Variants in TET1 observed in about 807,000 individuals in gnomAD.
TET1 encodes the protein methylcytosine dioxygenase TET1.
A neutral mutation model predicts 148.7 loss-of-function variants in TET1; 13 were observed. The ratio of observed to expected loss-of-function variants is 0.09; its 90% CI spans 0.06 to 0.14. The LOEUF (loss-of-function observed/expected upper bound fraction) is 0.14, where lower values mean the gene tolerates loss of function less well. Ranked by LOEUF, TET1 falls within the 10% of genes least tolerant of loss-of-function variation. TET1 has a pLI of 1.00. For synonymous variants in TET1, 907 were observed against 937.2 expected, an observed-to-expected ratio of 0.97 and a Z score of 0.59; for missense variants, 2,182 against 2,553.8, an observed-to-expected ratio of 0.85 and a Z score of 3.14.
chr10:68,642,087 A>G (rs1470832532), intron 3 of TET1, among the ~76,000 whole-genome samples: 1 of 152,150 alleles, frequency 6.6e-6, no homozygotes, highest in African/African-American at 2.4e-5. Context: ...TCTTTTTACA[A>G]TTGGTATCAA....
chr10:68,659,272 C>T (rs1475136655), intron 6 of TET1, among the ~76,000 whole-genome samples: 1 of 146,404 alleles, frequency 6.8e-6, no homozygotes. Flanking sequence ...GATGAGTTCC[C>T]CTCTGTGCGA....
intron 2 of TET1, among the ~76,000 whole-genome samples, chr10:68,581,836 C>CAA (rs35620494): frequency 2.3e-4 from 30 of 130,080 alleles, no homozygotes; most frequent in South Asian, 4.9e-4. Context: ...GACCGTGTCT[C>CAA]AAAAAAAAAA....
chr10:68,690,452 C>A (rs1284273203), intron 11 of TET1, among the ~76,000 whole-genome samples: 1 of 152,028 alleles, frequency 6.6e-6, no homozygotes, highest in Non-Finnish European at 1.5e-5. Flanking sequence ...CTAAAAAATA[C>A]AAAAAATTAG....
chr10:68,654,386 G>C (rs1383361632), intron 6 of TET1, among the ~76,000 whole-genome samples: 1 of 151,600 alleles, frequency 6.6e-6, no homozygotes, highest in Non-Finnish European at 1.5e-5. Flanking sequence ...GAGGCCGAGT[G>C]GGGCAGATCA....
At chr10:68,590,283 TTTTGTTTG>T (rs201199097) in intron 2 of TET1, among the ~76,000 whole-genome samples, 1 of 151,638 alleles carries the variant, frequency 6.6e-6, no homozygotes, top group Non-Finnish European at 1.5e-5. Flanking sequence ...CGGCTAGTGT[TTTTGTTTG>T]TTTGTTTGTT....
chr10:68,648,172 C>T (rs1158730595), intron 4 of TET1, among the ~76,000 whole-genome samples: 1 of 152,142 alleles, frequency 6.6e-6, no homozygotes, highest in Admixed American at 6.5e-5. Flanking sequence ...TGAAAGAGAA[C>T]ATTCTGAACC....
At chr10:68,632,833 TG>T (rs2054594864) in intron 3 of TET1, 46 of 757,006 alleles carry the variant, frequency 6.1e-5, no homozygotes, top group East Asian at 1.2e-4. Flanking sequence ...AAGTTTAAGT[TG>T]TAAAAAAAAA....
intron 6 of TET1, among the ~76,000 whole-genome samples, chr10:68,659,176 G>A (rs538032586): frequency 4.6e-5 from 7 of 152,290 alleles, no homozygotes; most frequent in South Asian, 4.1e-4. Context: ...AGCTTCTGGG[G>A]TAATGGCAGA....
chr10:68,668,401 C>T (rs1452800200), intron 7 of TET1, among the ~76,000 whole-genome samples: 3 of 152,068 alleles, frequency 2.0e-5, no homozygotes, highest in Non-Finnish European at 2.9e-5. Context: ...CAATATTGAG[C>T]GATATTCGGG....
chr10:68,585,806 G>C (rs2053854424), intron 2 of TET1, among the ~76,000 whole-genome samples: 1 of 151,798 alleles, frequency 6.6e-6, no homozygotes, highest in African/African-American at 2.4e-5. Context: ...TCAAGAGATT[G>C]AGACCATCCT....
rs1239183154 is a variant in TET1 at position 68,595,403 on chromosome 10, G to A, written c.1915-5578G>A. Among the ~76,000 whole-genome samples the A allele has an allele frequency of 2.6e-5, 4 of 151,926 alleles. No individual in the cohort carries two copies. In the East Asian group the frequency reaches 7.8e-4, roughly 29 times the overall value. On this transcript the variant is annotated intron_variant, in intron 2 of 11. Transcript: ENST00000373644. ...ACATATTGGAAGGAAATTGTGTTTC[G>A]GTCTTCAGTCTTGAGGAAAGGTGAA... is the stretch of plus-strand genomic sequence containing the variant.
chr10:68,574,882 TATA>T (rs2053710766), intron 2 of TET1, among the ~76,000 whole-genome samples: 1 of 152,198 alleles, frequency 6.6e-6, no homozygotes, highest in Admixed American at 6.6e-5. Context: ...TAGTTCTTAT[TATA>T]GTTTATGAAC....
chr10:68,661,170 C>T (rs1235818454), intron 6 of TET1, among the ~76,000 whole-genome samples: 1 of 148,720 alleles, frequency 6.7e-6, no homozygotes, highest in African/African-American at 2.5e-5. Flanking sequence ...GCTGGGACTA[C>T]AGGCGCCTGC....
chr10:68,690,196 T>C (rs1361452014), intron 11 of TET1, among the ~76,000 whole-genome samples: 2 of 152,216 alleles, frequency 1.3e-5, no homozygotes, highest in Non-Finnish European at 2.9e-5. Context: ...GTTGTATTAC[T>C]TACTTCCTAC....
chr10:68,666,707 T>G (rs1432737491), intron 6 of TET1, among the ~76,000 whole-genome samples: 1 of 152,208 alleles, frequency 6.6e-6, no homozygotes, highest in East Asian at 1.9e-4. Context: ...CAGGTACTCT[T>G]GTGATGAGTC....
Position 68,667,322 on chromosome 10 carries a change from A to T in TET1, c.4673+66A>T, listed in dbSNP as rs1183116586. ...CTATTACATATTGGTAAAATTGTTA[A>T]TTAGCTACCAACTATGTATATTATA... On this transcript the variant is annotated intron_variant, in intron 7 of 11. Transcript: ENST00000373644. The T allele has an allele frequency of 6.1e-6, 8 of 1,305,186 alleles. No homozygotes were observed. In the African/African-American group the frequency reaches 8.9e-5, roughly 14 times the overall value. 80.9% of individuals were successfully genotyped at this position (1,305,186 alleles called of 1,614,324 possible).
At chr10:68,615,795 C>G (rs532390838) in intron 3 of TET1, among the ~76,000 whole-genome samples, 2 of 152,262 alleles carry the variant, frequency 1.3e-5, no homozygotes, top group East Asian at 3.9e-4. Context: ...GCATGTGCCA[C>G]TACGCCTACG....
chr10:68,602,782 A>G (rs1242909773), intron 3 of TET1, among the ~76,000 whole-genome samples: 1 of 152,248 alleles, frequency 6.6e-6, no homozygotes, highest in African/African-American at 2.4e-5. Flanking sequence ...GTTAGCAATT[A>G]CTGTACAAGA....
At chr10:68,668,407 TC>T (rs1318177173) in intron 7 of TET1, among the ~76,000 whole-genome samples, 1 of 152,252 alleles carries the variant, frequency 6.6e-6, no homozygotes, top group African/African-American at 2.4e-5. Context: ...TGAGCGATAT[TC>T]GGGGAACTGC....
Sources: gnomAD v4.1 joint callset for allele counts (sites outside exome capture counted in the v4.1 genomes callset) on GRCh38, gnomAD v4.1.1 for gene constraint, MANE v1.5 for transcripts, NCBI Gene and HGNC (gene_info 2026-07-23, HGNC 2026-07-21) for gene names.